The following WWOX variants were observed in gnomAD, a reference collection of about 807,000 sequenced individuals.
WWOX encodes WW domain containing oxidoreductase.
WWOX carries 69 observed loss-of-function variants against 46.2 expected under a neutral mutation model. The observed-to-expected ratio is 1.49, with a 90% CI of 1.23 to 1.82. WWOX has a LOEUF of 1.82. WWOX is among the 40% of genes most tolerant of loss of function. The probability of loss-of-function intolerance (pLI) is 0.00; values close to 1 mark genes in which losing one functional copy is unlikely to be tolerated. For synonymous variants in WWOX, 359 were observed against 202.6 expected (o/e 1.77, Z -6.56); for missense variants, 919 against 542.6 (o/e 1.69, Z -6.89).
At position 78,311,678 on chromosome 16, in the gene WWOX, G is replaced by GA. The variant is rs1182795867; in HGVS notation, c.517-75180dup. Among the ~76,000 whole-genome samples the GA allele has an allele frequency of 2.0e-5, 3 of 152,186 alleles. No homozygotes were observed. The East Asian group carries it at 5.8e-4, about 29-fold the overall frequency. ...GCTGTAGGAGAGATGGGGAGTAGGA[G>GA]AAGAAAAGCCAAAGGCAGACTTTAG... On this transcript the variant is annotated intron_variant, in intron 5 of 8. Coordinates refer to ENST00000566780, the MANE Select transcript of WWOX (RefSeq NM_016373.4).
intron 4 of WWOX, among the ~76,000 whole-genome samples, chr16:78,152,191 A>G (rs2034438073): frequency 1.1e-5 from 1 of 93,090 alleles, no homozygotes. Flanking sequence ...CTCCGTCTCA[A>G]GAGAAAAAAA....
intron 8 of WWOX, among the ~76,000 whole-genome samples, chr16:78,985,403 G>T (rs1287673529): frequency 6.6e-6 from 1 of 152,052 alleles, no homozygotes; most frequent in African/African-American, 2.4e-5. Flanking sequence ...CAGGGTCCCC[G>T]TGCCATGAAT....
intron 8 of WWOX, among the ~76,000 whole-genome samples, chr16:78,832,162 C>T (rs1374410350): frequency 6.6e-6 from 1 of 152,162 alleles, no homozygotes; most frequent in Non-Finnish European, 1.5e-5. Flanking sequence ...GCTGGGGCTG[C>T]AGTCTCAGAA....
intron 5 of WWOX, among the ~76,000 whole-genome samples, chr16:78,326,730 C>G (rs953739415): frequency 1.3e-5 from 2 of 152,030 alleles, no homozygotes; most frequent in Admixed American, 1.3e-4. Flanking sequence ...TTGCCTGCCA[C>G]TGACATGGAC....
At chr16:78,798,857 T>C (rs556037604) in intron 8 of WWOX, among the ~76,000 whole-genome samples, 1 of 152,306 alleles carries the variant, frequency 6.6e-6, no homozygotes, top group East Asian at 1.9e-4. Flanking sequence ...ATGTCAGGAC[T>C]GAATACAGAT....
intron 8 of WWOX, among the ~76,000 whole-genome samples, chr16:79,170,048 C>T (rs1037477241): frequency 7.2e-5 from 11 of 152,094 alleles, no homozygotes; most frequent in African/African-American, 1.9e-4. Context: ...TTATAATGAG[C>T]GCCAACCAGC....
At chr16:79,078,107 C>T (rs552328657) in intron 8 of WWOX, 42 of 152,262 alleles carry the variant, frequency 2.8e-4, no homozygotes, top group African/African-American at 1.0e-3. Context: ...GTTTCCATTT[C>T]CTGGCACTGG....
chr16:79,184,653 G>A (rs1304194937), intron 8 of WWOX, among the ~76,000 whole-genome samples: 2 of 152,206 alleles, frequency 1.3e-5, no homozygotes, highest in Non-Finnish European at 2.9e-5. Context: ...CAGCCTTGGT[G>A]AAGTCTCCCA....
intron 1 of WWOX, among the ~76,000 whole-genome samples, chr16:78,101,211 C>G (rs12449176): frequency 2.0e-5 from 3 of 151,388 alleles, no homozygotes; most frequent in East Asian, 1.9e-4. Flanking sequence ...CCACGCCCGG[C>G]TAAGTTTTTG....
At chr16:78,790,126 TA>T (rs2050556603) in intron 8 of WWOX, among the ~76,000 whole-genome samples, 1 of 152,294 alleles carries the variant, frequency 6.6e-6, no homozygotes, top group African/African-American at 2.4e-5. Context: ...TCAGGATTAT[TA>T]TTTTTTTTAA....
At chr16:78,116,377 G>A (rs546308264) in intron 4 of WWOX, among the ~76,000 whole-genome samples, 2 of 152,142 alleles carry the variant, frequency 1.3e-5, no homozygotes, top group African/African-American at 2.4e-5. Context: ...ATTGTTCAAG[G>A]GTCAATTATT....
chr16:78,602,281 G>A (rs2045639640), intron 8 of WWOX, among the ~76,000 whole-genome samples: 1 of 152,268 alleles, frequency 6.6e-6, no homozygotes, highest in Non-Finnish European at 1.5e-5. Flanking sequence ...CAGCCAGACT[G>A]GAGTGCAGTG....
At chr16:78,593,736 AAG>A (rs10596104) in intron 8 of WWOX, among the ~76,000 whole-genome samples, 106,627 of 144,938 alleles carry the variant, frequency 0.74, 40,463 homozygotes, top group East Asian at 0.95. Flanking sequence ...TAAAAAAAAA[AAG>A]AGAGAGAGAG....
intron 4 of WWOX, among the ~76,000 whole-genome samples, chr16:78,141,932 T>C (rs1567594953): frequency 6.6e-6 from 1 of 152,050 alleles, no homozygotes; most frequent in Non-Finnish European, 1.5e-5. Context: ...ACATATATTC[T>C]ATGTAGTTTC....
At chr16:78,796,405 G>C (rs960143232) in intron 8 of WWOX, among the ~76,000 whole-genome samples, 3 of 152,222 alleles carry the variant, frequency 2.0e-5, no homozygotes, top group Non-Finnish European at 4.4e-5. Context: ...CCTGGAAGCA[G>C]TGAGGTCACT....
intron 8 of WWOX, among the ~76,000 whole-genome samples, chr16:78,954,072 A>T (rs952119172): frequency 6.6e-6 from 1 of 152,202 alleles, no homozygotes; most frequent in South Asian, 2.1e-4. Flanking sequence ...ACCATATCTT[A>T]TTCAGTTCCT....
intron 4 of WWOX, among the ~76,000 whole-genome samples, chr16:78,136,356 C>T (rs1339498831): frequency 6.6e-6 from 1 of 152,190 alleles, no homozygotes; most frequent in Non-Finnish European, 1.5e-5. Flanking sequence ...CATTCAGATT[C>T]ATAACAGGCT....
At chr16:78,822,519 A>G (rs923978586) in intron 8 of WWOX, among the ~76,000 whole-genome samples, 2 of 152,060 alleles carry the variant, frequency 1.3e-5, no homozygotes, top group East Asian at 1.9e-4. Context: ...ACAAAAACAA[A>G]CAAAAATCTA....
At chr16:78,937,078 C>T (rs1179764135) in intron 8 of WWOX, among the ~76,000 whole-genome samples, 4 of 152,164 alleles carry the variant, frequency 2.6e-5, no homozygotes, top group African/African-American at 9.7e-5. Context: ...ACTACTGGAA[C>T]TTCAAAATAG....
Sources: gnomAD v4.1 joint callset for allele counts (sites outside exome capture counted in the v4.1 genomes callset) on GRCh38, gnomAD v4.1.1 for gene constraint, MANE v1.5 for transcripts, NCBI Gene and HGNC (gene_info 2026-07-23, HGNC 2026-07-21) for gene names.